The following CTNNA2 variants were observed in gnomAD, a reference collection of about 807,000 sequenced individuals.
The protein encoded by CTNNA2 is catenin alpha 2, also known as catenin alpha-2.
In CTNNA2, 42 loss-of-function variants were observed where a neutral mutation model predicts 101.0. The observed-to-expected ratio is 0.42, with a 90% CI of 0.32 to 0.54. The LOEUF (loss-of-function observed/expected upper bound fraction) is 0.54. CTNNA2 is among the 20% of genes least tolerant of loss of function. The pLI, the probability that CTNNA2 is intolerant of heterozygous loss-of-function variation, is 0.14. For synonymous variants in CTNNA2, 450 were observed against 456.4 expected (o/e 0.99, Z 0.18); for missense variants, 871 against 1,223.1 (o/e 0.71, Z 4.29).
chr2:79,203,971 T>C (rs1674069313), intron 2 of CTNNA2, among the ~76,000 whole-genome samples: 1 of 152,216 alleles, frequency 6.6e-6, no homozygotes, highest in Admixed American at 6.5e-5. Flanking sequence ...ATAGTGTCTT[T>C]CATCCTCTGT....
intron 18 of CTNNA2, among the ~76,000 whole-genome samples, chr2:80,625,056 A>G (rs1220186600): frequency 6.6e-6 from 1 of 151,984 alleles, no homozygotes; most frequent in Non-Finnish European, 1.5e-5. Flanking sequence ...AGCAGAGAAC[A>G]GCAACAGCTA....
At chr2:79,522,561 G>A (rs1672176219) in intron 1 of CTNNA2, among the ~76,000 whole-genome samples, 1 of 152,172 alleles carries the variant, frequency 6.6e-6, no homozygotes, top group African/African-American at 2.4e-5. Flanking sequence ...CTTCAGCAAT[G>A]GATGGGAATA....
At chr2:80,096,359 G>A (rs1428270770) in intron 7 of CTNNA2, among the ~76,000 whole-genome samples, 2 of 152,206 alleles carry the variant, frequency 1.3e-5, no homozygotes. Context: ...TTGCACTGTG[G>A]TCTGAGAGAG....
At chr2:79,416,929 C>A (rs1038543543) in intron 4 of CTNNA2, among the ~76,000 whole-genome samples, 2 of 152,198 alleles carry the variant, frequency 1.3e-5, no homozygotes, top group Middle Eastern at 3.4e-3. Flanking sequence ...TATCTCATGG[C>A]ACATTAGCAA....
At chr2:80,504,615 C>T (rs551512551) in intron 9 of CTNNA2, among the ~76,000 whole-genome samples, 1 of 152,172 alleles carries the variant, frequency 6.6e-6, no homozygotes, top group South Asian at 2.1e-4. Flanking sequence ...GCTTCAAATA[C>T]AGACTCTACC....
rs66471325 is a variant in CTNNA2, at chr2:79,956,843, G to GTTT, written c.1056+47069_1056+47071dup. Among the ~76,000 whole-genome samples, 72 of 98,904 alleles carry GTTT rather than the reference G, an allele frequency of 7.3e-4. 3 individuals are homozygous for GTTT. The highest frequency in any genetic ancestry group is 4.4e-3 in the South Asian group (11 of 2,502). 64.9% of individuals were successfully genotyped at this position (98,904 alleles called of 152,430 possible). A position where few individuals can be genotyped will look rare whatever the true frequency, so the allele number is the denominator to read the frequency against. On this transcript the variant is annotated intron_variant, in intron 7 of 18. Coordinates refer to ENST00000402739, the MANE Select transcript of CTNNA2 (RefSeq NM_001282597.3). Reference sequence around the variant, plus strand: ...TTTCATTTACTATGAATACGTGTGGGTTTTTTTTTTTTTTTTTTTTTTTTT... The same window carrying GTTT: ...TTTCATTTACTATGAATACGTGTGGGTTTTTTTTTTTTTTTTTTTTTTTTTTTT...
At chr2:79,851,425 G>C (rs71424896) in intron 3 of CTNNA2, among the ~76,000 whole-genome samples, 11 of 152,314 alleles carry the variant, frequency 7.2e-5, no homozygotes, top group African/African-American at 2.4e-4. Context: ...CACAGTCTCT[G>C]TAAGTGTGTG....
chr2:80,024,324 G>A (rs889605775), intron 7 of CTNNA2, among the ~76,000 whole-genome samples: 5 of 152,180 alleles, frequency 3.3e-5, no homozygotes, highest in Non-Finnish European at 7.3e-5. Flanking sequence ...AGGACTGCAT[G>A]TAGAAGGCAG....
At chr2:80,164,332 T>C (rs1704523308) in intron 7 of CTNNA2, among the ~76,000 whole-genome samples, 1 of 152,046 alleles carries the variant, frequency 6.6e-6, no homozygotes, top group Admixed American at 6.6e-5. Flanking sequence ...GCCTTTTTAA[T>C]AGTTGACCTA....
intron 1 of CTNNA2, chr2:79,634,768 A>T (rs933651081): frequency 6.6e-6 from 1 of 152,332 alleles, no homozygotes; most frequent in Non-Finnish European, 1.5e-5. Flanking sequence ...AAGGCTTAGA[A>T]GGAATGACAC....
At chr2:80,599,919 C>T (rs1697332975) in intron 15 of CTNNA2, among the ~76,000 whole-genome samples, 1 of 126,100 alleles carries the variant, frequency 7.9e-6, no homozygotes, top group Non-Finnish European at 1.6e-5. Flanking sequence ...TGCTATCCCT[C>T]CCCACTCCCC....
At chr2:80,004,555 G>A (rs1363891023) in intron 7 of CTNNA2, among the ~76,000 whole-genome samples, 1 of 152,124 alleles carries the variant, frequency 6.6e-6, no homozygotes, top group African/African-American at 2.4e-5. Flanking sequence ...TTATCTTCTT[G>A]ACATAGGGGC....
intron 7 of CTNNA2, among the ~76,000 whole-genome samples, chr2:80,007,348 A>T (rs1485201960): frequency 6.6e-6 from 1 of 152,120 alleles, no homozygotes; most frequent in Non-Finnish European, 1.5e-5. Flanking sequence ...CTTTATTACT[A>T]CTCTAACTTG....
intron 7 of CTNNA2, among the ~76,000 whole-genome samples, chr2:79,955,347 G>A (rs1689149062): frequency 6.6e-6 from 1 of 152,120 alleles, no homozygotes; most frequent in African/African-American, 2.4e-5. Context: ...TTATGCTTTT[G>A]TAGTGCTCTG....
chr2:79,382,804 G>C (rs1308945157), intron 4 of CTNNA2, among the ~76,000 whole-genome samples: 1 of 152,004 alleles, frequency 6.6e-6, no homozygotes, highest in East Asian at 1.9e-4. Flanking sequence ...TTAATAGAGA[G>C]GGGGTTTCAC....
At chr2:80,479,555 T>C (rs998333037) in intron 9 of CTNNA2, among the ~76,000 whole-genome samples, 1 of 152,140 alleles carries the variant, frequency 6.6e-6, no homozygotes, top group Non-Finnish European at 1.5e-5. Flanking sequence ...TTTAGAGGGC[T>C]TTTATATATA....
chr2:80,005,203 A>G (rs1215082493), intron 7 of CTNNA2, among the ~76,000 whole-genome samples: 1 of 152,202 alleles, frequency 6.6e-6, no homozygotes, highest in Non-Finnish European at 1.5e-5. Flanking sequence ...AGGGCCCTGC[A>G]TGCAGTTGTG....
chr2:79,641,201 AG>A (rs996873900), intron 1 of CTNNA2, among the ~76,000 whole-genome samples: 2 of 152,198 alleles, frequency 1.3e-5, no homozygotes, highest in African/African-American at 4.8e-5. Flanking sequence ...TTGGTTTTCT[AG>A]AAAAGCAATG....
At chr2:79,807,361 A>G (rs948751454) in intron 3 of CTNNA2, among the ~76,000 whole-genome samples, 4 of 152,174 alleles carry the variant, frequency 2.6e-5, no homozygotes, top group African/African-American at 9.7e-5. Flanking sequence ...GAGGGTTAAA[A>G]TCAAGCATAT....
Sources: gnomAD v4.1 joint callset for allele counts (sites outside exome capture counted in the v4.1 genomes callset) on GRCh38, gnomAD v4.1.1 for gene constraint, MANE v1.5 for transcripts, NCBI Gene and HGNC (gene_info 2026-07-23, HGNC 2026-07-21) for gene names.